PTPRG: variants seen among roughly 807,000 people sequenced by gnomAD.
The protein encoded by PTPRG is protein tyrosine phosphatase receptor type G.
Under a neutral mutation model 165.3 loss-of-function variants are expected in PTPRG, and 102 were observed. The ratio of observed to expected loss-of-function variants is 0.62; its 90% confidence interval spans 0.53 to 0.73. The LOEUF is 0.73. PTPRG is among the 30% of genes least tolerant of loss of function. PTPRG has a pLI of 0.00. For missense variants in PTPRG, 1,866 were observed against 1,861.4 expected, an observed-to-expected ratio of 1.00 and a Z score of -0.05; for synonymous variants, 675 against 669.5, an observed-to-expected ratio of 1.01 and a Z score of -0.13.
intron 2 of PTPRG, among the ~76,000 whole-genome samples, chr3:61,872,135 A>G (rs557355833): frequency 6.6e-6 from 1 of 152,322 alleles, no homozygotes; most frequent in Non-Finnish European, 1.5e-5. Flanking sequence ...CCAAATAAAT[A>G]TATTTCCTGT....
At chr3:61,745,109 G>GGC (rs1217819438) in intron 1 of PTPRG, among the ~76,000 whole-genome samples, 2 of 137,412 alleles carry the variant, frequency 1.5e-5, no homozygotes, top group African/African-American at 5.5e-5. Flanking sequence ...GGAGTGCAGT[G>GGC]GCGTGATCTC....
chr3:62,144,222 G>A (rs1704035665), intron 6 of PTPRG, among the ~76,000 whole-genome samples: 1 of 152,172 alleles, frequency 6.6e-6, no homozygotes, highest in Non-Finnish European at 1.5e-5. Flanking sequence ...CATCTAAACG[G>A]TAGCTATTGT....
At chr3:61,612,942 A>G (rs974291196) in intron 1 of PTPRG, among the ~76,000 whole-genome samples, 2 of 152,138 alleles carry the variant, frequency 1.3e-5, no homozygotes, top group Non-Finnish European at 1.5e-5. Flanking sequence ...AGAGGATGAC[A>G]AAGGACAGGT....
chr3:61,918,449 G>A (rs1031308834), intron 2 of PTPRG, among the ~76,000 whole-genome samples: 2 of 152,116 alleles, frequency 1.3e-5, no homozygotes, highest in East Asian at 3.8e-4. Flanking sequence ...ATGATGCATT[G>A]TGGTACTCTG....
intron 2 of PTPRG, among the ~76,000 whole-genome samples, chr3:61,901,160 G>A (rs1007519256): frequency 6.6e-6 from 1 of 152,104 alleles, no homozygotes. Flanking sequence ...TTTTAAGCTC[G>A]GCTACCAATA....
chr3:61,617,225 A>C (rs1159071189), intron 1 of PTPRG, among the ~76,000 whole-genome samples: 4 of 152,228 alleles, frequency 2.6e-5, no homozygotes, highest in African/African-American at 9.6e-5. Flanking sequence ...CCGGATACAG[A>C]CAGGGCCAAT....
intron 2 of PTPRG, among the ~76,000 whole-genome samples, chr3:61,948,923 G>A (rs1439036368): frequency 6.6e-6 from 1 of 152,070 alleles, no homozygotes; most frequent in Non-Finnish European, 1.5e-5. Context: ...CTTTGTCACA[G>A]TGGGAATATA....
chr3:61,652,686 T>C (rs1264863638), intron 1 of PTPRG, among the ~76,000 whole-genome samples: 1 of 152,216 alleles, frequency 6.6e-6, no homozygotes, highest in Non-Finnish European at 1.5e-5. Context: ...ACCTTAGCAC[T>C]AGTGGTATTT....
chr3:61,723,466 C>T (rs905075663), intron 1 of PTPRG, among the ~76,000 whole-genome samples: 2 of 151,936 alleles, frequency 1.3e-5, no homozygotes, highest in Non-Finnish European at 2.9e-5. Flanking sequence ...GTTTCATTGT[C>T]TTTAAATATA....
At chr3:61,768,530 A>G (rs2107010147) in intron 2 of PTPRG, among the ~76,000 whole-genome samples, 1 of 152,306 alleles carries the variant, frequency 6.6e-6, no homozygotes, top group South Asian at 2.1e-4. Flanking sequence ...GCATTTTCTC[A>G]AAATCTGTGT....
intron 5 of PTPRG, among the ~76,000 whole-genome samples, chr3:62,092,439 G>GAAAAAAAAAAAAAAAAAA (rs55955359): frequency 3.1e-4 from 28 of 89,424 alleles, no homozygotes; most frequent in Non-Finnish European, 5.1e-4. Flanking sequence ...GAGTCCATCT[G>GAAAAAAAAAAAAAAAAAA]AAAAAAAAAA....
chr3:61,673,867 G>T (rs377529152), intron 1 of PTPRG, among the ~76,000 whole-genome samples: 2 of 152,136 alleles, frequency 1.3e-5, no homozygotes, highest in Non-Finnish European at 2.9e-5. Context: ...CCATAAAAAC[G>T]TGTGAGTTCA....
intron 2 of PTPRG, among the ~76,000 whole-genome samples, chr3:61,783,356 T>C (rs1005855840): frequency 1.1e-4 from 16 of 152,102 alleles, no homozygotes; most frequent in Non-Finnish European, 2.4e-4. Flanking sequence ...AAAAGTGTAT[T>C]TATTGATTAT....
chr3:61,665,123 T>G lies in PTPRG; in HGVS notation c.86-83755T>G, dbSNP rs576682507. 2.6e-5 allele frequency among the ~76,000 whole-genome samples: 4 copies of G among 152,300 alleles called. No homozygotes were observed. In the South Asian group the frequency reaches 8.3e-4, roughly 32 times the overall value. On this transcript the variant is annotated intron_variant, in intron 1 of 29. Transcript: ENST00000474889. The stretch of plus-strand genomic sequence containing the variant: ...TGGGCTGTGATTCAAGGTGAAATTC[T>G]TAGGAAAGGAAATCTTGTGTAGTAG...
At chr3:62,177,368 A>G (rs78836651) in intron 8 of PTPRG, among the ~76,000 whole-genome samples, 2 of 152,220 alleles carry the variant, frequency 1.3e-5, no homozygotes, top group African/African-American at 4.8e-5. Context: ...GACTTATAGT[A>G]CAGGATCTTG....
intron 3 of PTPRG, among the ~76,000 whole-genome samples, chr3:61,992,593 C>T (rs561492960): frequency 8.5e-5 from 13 of 152,090 alleles, no homozygotes; most frequent in Admixed American, 2.6e-4. Context: ...AATCTCGGCT[C>T]ACTGCAACCT....
At chr3:62,027,636 C>G (rs1025541458) in intron 4 of PTPRG, among the ~76,000 whole-genome samples, 2 of 152,196 alleles carry the variant, frequency 1.3e-5, no homozygotes, top group African/African-American at 4.8e-5. Context: ...AGCCAAGCAG[C>G]TGACAGACAT....
At chr3:62,010,641 G>C (rs146631640) in intron 4 of PTPRG, among the ~76,000 whole-genome samples, 2,194 of 152,010 alleles carry the variant, frequency 0.014, 48 homozygotes, top group African/African-American at 0.05. Context: ...CATAATGAGA[G>C]TCTATCTCTA....
intron 5 of PTPRG, among the ~76,000 whole-genome samples, chr3:62,081,342 G>C (rs546793876): frequency 6.6e-6 from 1 of 152,042 alleles, no homozygotes; most frequent in East Asian, 1.9e-4. Context: ...TGCTTCCTTT[G>C]TCCTTCTTAT....
Sources: allele counts gnomAD v4.1 joint callset (sites outside exome capture counted in the v4.1 genomes callset), GRCh38; gene constraint gnomAD v4.1.1; transcripts MANE v1.5; gene names NCBI Gene and HGNC (gene_info 2026-07-23, HGNC 2026-07-21).